Variants in NEK10 observed in about 807,000 individuals in gnomAD.
NEK10 encodes serine/threonine-protein kinase Nek10.
In NEK10, 122 loss-of-function variants were observed where a neutral mutation model predicts 159.8. That is an observed-to-expected ratio of 0.76 (90% CI 0.66 to 0.89). The LOEUF is 0.89. NEK10 is among the 40% of genes least tolerant of loss of function. The pLI is 0.00. For missense variants in NEK10, 1,342 were observed against 1,323.1 expected (o/e 1.01, Z -0.22); for synonymous variants, 466 against 457.1 (o/e 1.02, Z -0.25).
At chr3:27,196,314 AG>A (rs1292243397) in intron 25 of NEK10, among the ~76,000 whole-genome samples, 1 of 152,208 alleles carries the variant, frequency 6.6e-6, no homozygotes, top group Non-Finnish European at 1.5e-5. Context: ...TAAAAGGGAC[AG>A]GAACTGCTCA....
At chr3:27,216,390 G>C (rs1951534679) in intron 23 of NEK10, 1 of 152,332 alleles carries the variant, frequency 6.6e-6, no homozygotes, top group South Asian at 2.1e-4. Flanking sequence ...CTATATATCA[G>C]GTGTGGCAAA....
At chr3:27,183,506 C>A (rs2148930435) in intron 26 of NEK10, among the ~76,000 whole-genome samples, 1 of 151,608 alleles carries the variant, frequency 6.6e-6, no homozygotes, top group Admixed American at 6.6e-5. Flanking sequence ...CTTATTTTTG[C>A]AACCTTAGGG....
At chr3:27,323,301 C>G (rs1381199584) in intron 5 of NEK10, among the ~76,000 whole-genome samples, 2 of 152,168 alleles carry the variant, frequency 1.3e-5, no homozygotes, top group Non-Finnish European at 1.5e-5. Context: ...AAGCTGTTGC[C>G]ATTCGCTAAG....
chr3:27,253,127 C>CTTCTCTTCTAATTATCTAGTGTCATA (rs1955835342), intron 23 of NEK10, among the ~76,000 whole-genome samples: 2 of 152,084 alleles, frequency 1.3e-5, no homozygotes, highest in Admixed American at 6.5e-5. Flanking sequence ...AGTTCATGAG[C>CTTCTCTTCTAATTATCTAGTGTCATA]TTCTCTTCTA....
In NEK10 at chr3:27,301,755, T is replaced by C; in HGVS notation, c.1109A>G (p.His370Arg). The C allele has an allele frequency of 6.4e-7, 1 of 1,573,336 alleles. No individual in the cohort carries two copies. The highest frequency in any genetic ancestry group is 1.2e-5 in the South Asian group (1 of 85,706). Residue 370 changes from histidine to arginine, a missense_variant, in exon 13 of 36, where the codon CAT becomes CGT. His to Arg is a conservative substitution (Grantham distance 29). Coordinates refer to ENST00000691995, the MANE Select transcript of NEK10 (RefSeq NM_001394966.1). ...ANAAGRIQQL[H>R]LSEDLSPREI... Reference sequence around the variant, plus strand: ...CCTAGGGCTCAAGTCTTCTGATAAATGAAGCTGCTGGATTCGGCCTGCAGC... The same window carrying C: ...CCTAGGGCTCAAGTCTTCTGATAAACGAAGCTGCTGGATTCGGCCTGCAGC...
intron 23 of NEK10, among the ~76,000 whole-genome samples, chr3:27,204,275 CTTTTTTTTTT>C (rs1203026508): frequency 1.6e-5 from 1 of 64,006 alleles, no homozygotes; most frequent in Admixed American, 1.9e-4. Flanking sequence ...GATAAATTTT[CTTTTTTTTTT>C]TTTTTTTTTG....
chr3:27,156,425 A>C (rs1425017044), intron 30 of NEK10, among the ~76,000 whole-genome samples: 1 of 152,160 alleles, frequency 6.6e-6, no homozygotes, highest in African/African-American at 2.4e-5. Flanking sequence ...TAATATCTAG[A>C]ATCTACAACA....
At chr3:27,206,959 T>C (rs1227562186) in intron 23 of NEK10, among the ~76,000 whole-genome samples, 4 of 152,178 alleles carry the variant, frequency 2.6e-5, no homozygotes, top group African/African-American at 9.7e-5. Context: ...TTTCTATTTA[T>C]TTTTCTACTT....
chr3:27,215,917 T>C (rs1314271514), intron 23 of NEK10: 2 of 680,316 alleles, frequency 2.9e-6, no homozygotes, highest in Non-Finnish European at 5.5e-6. Context: ...CTCACCATCA[T>C]GAGAACAGCA....
chr3:27,218,412 C>T (rs1229745961), intron 23 of NEK10, among the ~76,000 whole-genome samples: 1 of 152,044 alleles, frequency 6.6e-6, no homozygotes, highest in Non-Finnish European at 1.5e-5. Flanking sequence ...TGAGACTAGC[C>T]TCACTAACAC....
At chr3:27,351,203 G>A (rs763072971) in intron 3 of NEK10, among the ~76,000 whole-genome samples, 2 of 152,056 alleles carry the variant, frequency 1.3e-5, no homozygotes, top group Non-Finnish European at 2.9e-5. Context: ...TTTAGGAGAA[G>A]GAAATAGTAA....
At chr3:27,143,343 T>G (rs576723063) in intron 30 of NEK10, 540 of 580,842 alleles carry the variant, frequency 9.3e-4, no homozygotes, top group Non-Finnish European at 1.5e-3. Context: ...TCATAGTTTA[T>G]AGATTCATAG....
chr3:27,210,353 T>C (rs1355249069), intron 23 of NEK10, among the ~76,000 whole-genome samples: 1 of 152,160 alleles, frequency 6.6e-6, no homozygotes, highest in Non-Finnish European at 1.5e-5. Context: ...TAATAACTCA[T>C]GAATTCCTTA....
intron 22 of NEK10, among the ~76,000 whole-genome samples, chr3:27,277,808 A>G (rs1294185705): frequency 1.3e-5 from 2 of 152,202 alleles, no homozygotes; most frequent in African/African-American, 4.8e-5. Context: ...GACCAATGAA[A>G]TCTGAGTAGA....
At chr3:27,207,532 A>T (rs555617673) in intron 23 of NEK10, among the ~76,000 whole-genome samples, 5 of 152,280 alleles carry the variant, frequency 3.3e-5, no homozygotes, top group Non-Finnish European at 5.9e-5. Flanking sequence ...TTGTTTGAAG[A>T]CTATTACGAA....
At chr3:27,366,216 T>G (rs2049072512) in intron 1 of NEK10, among the ~76,000 whole-genome samples, 1 of 152,130 alleles carries the variant, frequency 6.6e-6, no homozygotes, top group Non-Finnish European at 1.5e-5. Flanking sequence ...ATGAGGAAAC[T>G]GAGGTGCAGA....
chr3:27,341,935 TA>T (rs1411332508), intron 5 of NEK10, among the ~76,000 whole-genome samples: 1 of 152,140 alleles, frequency 6.6e-6, no homozygotes, highest in Non-Finnish European at 1.5e-5. Context: ...TCTACAACCA[TA>T]ATTGGACCAA....
intron 32 of NEK10, among the ~76,000 whole-genome samples, chr3:27,123,005 G>C (rs999759972): frequency 6.6e-6 from 1 of 152,164 alleles, no homozygotes; most frequent in African/African-American, 2.4e-5. Flanking sequence ...ACGAATCCCA[G>C]ATACACTGAC....
At chr3:27,351,802 A>T (rs62257161) in intron 3 of NEK10, among the ~76,000 whole-genome samples, 2 of 151,804 alleles carry the variant, frequency 1.3e-5, no homozygotes, top group Admixed American at 6.6e-5. Flanking sequence ...GTGCTAAATA[A>T]GTGTCTGCTA....
Sources: gnomAD v4.1 joint callset for allele counts (sites outside exome capture counted in the v4.1 genomes callset) on GRCh38, gnomAD v4.1.1 for gene constraint, MANE v1.5 for transcripts, NCBI Gene and HGNC (gene_info 2026-07-23, HGNC 2026-07-21) for gene names.